Variants in TRIM61 observed in about 807,000 individuals in gnomAD.
TRIM61 encodes putative tripartite motif-containing protein 61.
A neutral mutation model predicts 14.2 loss-of-function variants in TRIM61; 1 was observed. The observed-to-expected ratio is 0.07, with a 90% CI of 0.03 to 0.33. The LOEUF (loss-of-function observed/expected upper bound fraction) is 0.33, where lower values mean the gene tolerates loss of function less well. Ranked by LOEUF, TRIM61 falls within the 10% of genes least tolerant of loss-of-function variation. The pLI, the probability that TRIM61 is intolerant of heterozygous loss-of-function variation, is 0.99. For missense variants in TRIM61, 19 were observed against 202.2 expected (o/e 0.09, Z 5.49); for synonymous variants, 8 against 71.6 (o/e 0.11, Z 4.49).
intron 2 of TRIM61, among the ~76,000 whole-genome samples, chr4:164,975,963 T>C (rs1196194123): frequency 1.3e-5 from 2 of 152,192 alleles, no homozygotes; most frequent in African/African-American, 2.4e-5. Flanking sequence ...AAAACCGCCC[T>C]ATGGTGGGAG....
At chr4:164,960,568 G>T (rs1043368079) in intron 3 of TRIM61, among the ~76,000 whole-genome samples, 2 of 148,326 alleles carry the variant, frequency 1.3e-5, no homozygotes, top group African/African-American at 2.5e-5. Context: ...AAAAAAAAAA[G>T]GAAAAAAAAT....
intron 3 of TRIM61, among the ~76,000 whole-genome samples, chr4:164,955,896 T>C (rs866909135): frequency 3.9e-5 from 6 of 152,032 alleles, no homozygotes; most frequent in Admixed American, 6.5e-5. Flanking sequence ...GGAAAATCGA[T>C]TAAGATTAGG....
At chr4:164,964,156 T>C (rs1180060482) in intron 3 of TRIM61, among the ~76,000 whole-genome samples, 1 of 151,874 alleles carries the variant, frequency 6.6e-6, no homozygotes, top group African/African-American at 2.4e-5. Context: ...GAGACCATCC[T>C]GGCTAACACA....
At chr4:164,972,964 TAC>T (rs1327043790) in intron 2 of TRIM61, among the ~76,000 whole-genome samples, 10 of 152,328 alleles carry the variant, frequency 6.6e-5, no homozygotes, top group Admixed American at 3.3e-4. Context: ...TTCATCTGGC[TAC>T]AGTCTCCTAA....
intron 3 of TRIM61, chr4:164,957,032 T>A (rs1279380034): frequency 6.6e-7 from 1 of 1,510,490 alleles, no homozygotes; most frequent in Admixed American, 2.2e-5. Flanking sequence ...GATGGAAGGA[T>A]GCGCGGTGCG....
chr4:164,972,719 C>A (rs1461073818), intron 2 of TRIM61, among the ~76,000 whole-genome samples: 2 of 152,210 alleles, frequency 1.3e-5, no homozygotes, highest in Non-Finnish European at 2.9e-5. Context: ...GAACTCTGGA[C>A]TCCAAGTGAT....
At chr4:164,969,084 T>G in intron 3 of TRIM61, 1 of 1,091,058 alleles carries the variant, frequency 9.2e-7, no homozygotes, top group Non-Finnish European at 1.1e-6. Flanking sequence ...ACTATAAGTT[T>G]ACGATGTGCT....
chr4:164,955,661 A>AT (rs1731970637), intron 3 of TRIM61, among the ~76,000 whole-genome samples: 1 of 151,140 alleles, frequency 6.6e-6, no homozygotes, highest in Non-Finnish European at 1.5e-5. Context: ...ATTGAGGTTG[A>AT]TTTTCCTTGT....
chr4:164,966,632 G>A (rs1732249214), intron 3 of TRIM61, among the ~76,000 whole-genome samples: 1 of 152,166 alleles, frequency 6.6e-6, no homozygotes, highest in African/African-American at 2.4e-5. Flanking sequence ...GTACTTTGGG[G>A]CTGGGTGCAG....
chr4:164,962,247 G>C (rs1161110249), intron 3 of TRIM61, among the ~76,000 whole-genome samples: 1 of 143,278 alleles, frequency 7.0e-6, no homozygotes, highest in African/African-American at 2.6e-5. Context: ...TTTTGAGACA[G>C]TGTTGCTCTG....
At chr4:164,956,862 A>C (rs1254853413) in intron 3 of TRIM61, 1 of 706,028 alleles carries the variant, frequency 1.4e-6, no homozygotes, top group Admixed American at 3.1e-5. Context: ...CAAGCACTGC[A>C]GCGTTTCTCC....
intron 2 of TRIM61, among the ~76,000 whole-genome samples, chr4:164,972,590 G>C (rs1732394170): frequency 6.6e-6 from 1 of 152,192 alleles, no homozygotes; most frequent in South Asian, 2.1e-4. Context: ...CCGGGTTCAA[G>C]TGATTCTCCT....
At chr4:164,964,589 C>CACTA (rs376982693) in intron 3 of TRIM61, among the ~76,000 whole-genome samples, 2 of 152,214 alleles carry the variant, frequency 1.3e-5, no homozygotes, top group African/African-American at 4.8e-5. Flanking sequence ...ATGCTCTTTC[C>CACTA]ACTATCTCAG....
intron 3 of TRIM61, among the ~76,000 whole-genome samples, chr4:164,961,534 G>T (rs1279925958): frequency 2.0e-5 from 3 of 151,044 alleles, no homozygotes; most frequent in African/African-American, 7.3e-5. Flanking sequence ...TCATCACTAG[G>T]AAATGATGGC....
chr4:164,968,113 A>G (rs1443615557), intron 3 of TRIM61, 168 bp downstream of exon 3: 1 of 957,342 alleles, frequency 1.0e-6, no homozygotes, highest in Non-Finnish European at 1.2e-6. Flanking sequence ...GATCCTGGCC[A>G]TTGCACTCCA....
intron 2 of TRIM61, among the ~76,000 whole-genome samples, chr4:164,973,389 C>G (rs1038790539): frequency 6.6e-5 from 10 of 152,162 alleles, no homozygotes; most frequent in Admixed American, 4.6e-4. Context: ...ATGCAGCCCT[C>G]TATATATCAA....
intron 3 of TRIM61, among the ~76,000 whole-genome samples, chr4:164,967,012 T>C (rs1022096303): frequency 2.0e-5 from 3 of 152,326 alleles, no homozygotes; most frequent in Middle Eastern, 3.4e-3. Context: ...ATGACATGAC[T>C]ATCTCTACGG....
chr4:164,975,700 T>G (rs1040378257), intron 2 of TRIM61, among the ~76,000 whole-genome samples: 1 of 152,232 alleles, frequency 6.6e-6, no homozygotes, highest in Non-Finnish European at 1.5e-5. Context: ...CAGGGACCTC[T>G]GCCCTTGAAA....
Position 164,968,134 on chromosome 4 carries a change from C to T in TRIM61, c.525+1344G>A, listed in dbSNP as rs142339564. The stretch of plus-strand genomic sequence containing the variant: ...GGCCATTGCACTCCAGCCTGGGCAA[C>T]GAAAAAAGGGGAGGGGAGGGGAGAA... On this transcript the variant is annotated intron_variant, in intron 3 of 4. Coordinates refer to ENST00000329314, the MANE Select transcript of TRIM61 (RefSeq NM_001012414.3). The T allele has an allele frequency of 6.0e-5, 59 of 975,588 alleles. 1 individual carries two copies. Among genetic ancestry groups the T allele is most frequent in the East Asian group, 1.2e-4 (1 of 8,582 alleles). The allele number at this position is 975,588 out of a possible 1,614,324, so 60.4% of individuals were successfully genotyped here. A position where few individuals can be genotyped will look rare whatever the true frequency, so the allele number is the denominator to read the frequency against.
Sources: allele counts gnomAD v4.1 joint callset (sites outside exome capture counted in the v4.1 genomes callset), GRCh38; gene constraint gnomAD v4.1.1; transcripts MANE v1.5; gene names NCBI Gene and HGNC (gene_info 2026-07-23, HGNC 2026-07-21).